Variants in POLA1 observed in about 807,000 individuals in gnomAD.
POLA1 encodes DNA polymerase alpha 1, catalytic subunit.
Under a neutral mutation model 124.0 loss-of-function variants are expected in POLA1, and 15 were observed. That is an observed-to-expected ratio of 0.12 (90% CI 0.08 to 0.19). POLA1 has a LOEUF of 0.19. Ranked by LOEUF, POLA1 falls within the 10% of genes least tolerant of loss-of-function variation. POLA1 has a pLI of 1.00. For synonymous variants in POLA1, 408 were observed against 389.4 expected, an observed-to-expected ratio of 1.05 and a Z score of -0.56; for missense variants, 886 against 1,103.4, an observed-to-expected ratio of 0.80 and a Z score of 2.79.
intron 19 of POLA1, among the ~76,000 whole-genome samples, chrX:24,738,852 G>C (rs1338354079): frequency 8.9e-6 from 1 of 111,891 alleles, no homozygotes. Flanking sequence ...ATGTTCTCTA[G>C]AGGATTCTGC....
chrX:24,954,392 GAAC>G (rs1291691355), intron 36 of POLA1, among the ~76,000 whole-genome samples: 1 of 112,244 alleles, frequency 8.9e-6, no homozygotes, highest in African/African-American at 3.2e-5. Context: ...GTGTTTTTGT[GAAC>G]AACTGATCAA....
intron 34 of POLA1, among the ~76,000 whole-genome samples, chrX:24,848,181 CTCTT>C (rs1261412374): frequency 1.8e-5 from 2 of 112,241 alleles, no homozygotes; most frequent in Admixed American, 1.9e-4. Flanking sequence ...CTTTGTTACT[CTCTT>C]TCTGTTCTCT....
At chrX:24,811,631 G>GAAATTCA (rs1381558183) in intron 28 of POLA1, among the ~76,000 whole-genome samples, 2 of 91,811 alleles carry the variant, frequency 2.2e-5, no homozygotes, top group South Asian at 1.1e-3. Flanking sequence ...TTTCGAGGGT[G>GAAATTCA]AAATTCAAAG....
At chrX:24,923,708 G>A (rs2047650854) in intron 35 of POLA1, among the ~76,000 whole-genome samples, 1 of 112,049 alleles carries the variant, frequency 8.9e-6, no homozygotes, top group Non-Finnish European at 1.9e-5. Flanking sequence ...TTTTGTATTA[G>A]AACTAATTGA....
chrX:24,974,650 T>G (rs2048344514), intron 36 of POLA1, among the ~76,000 whole-genome samples: 1 of 92,784 alleles, frequency 1.1e-5, no homozygotes, highest in Non-Finnish European at 2.1e-5. Flanking sequence ...CCGGGGCATG[T>G]TGGGGGGTGG....
At chrX:24,802,124 C>G (rs746645661) in intron 26 of POLA1, among the ~76,000 whole-genome samples, 2 of 110,660 alleles carry the variant, frequency 1.8e-5, no homozygotes, top group Non-Finnish European at 3.8e-5. Flanking sequence ...GGGCCATCAA[C>G]TGATTTGATG....
intron 1 of POLA1, among the ~76,000 whole-genome samples, chrX:24,696,059 G>C (rs1349790014): frequency 8.9e-6 from 1 of 112,743 alleles, no homozygotes; most frequent in African/African-American, 3.2e-5. Flanking sequence ...CTTCACACGC[G>C]GAAGCGTTAC....
chrX:24,984,912 G>A (rs1413950092), intron 36 of POLA1, among the ~76,000 whole-genome samples: 2 of 110,537 alleles, frequency 1.8e-5, no homozygotes, highest in Non-Finnish European at 3.8e-5. Context: ...CGCCCGCCTC[G>A]GCCTCCCAAA....
intron 36 of POLA1, among the ~76,000 whole-genome samples, chrX:24,962,065 TTATATA>T (rs1166621555): frequency 2.7e-5 from 3 of 111,591 alleles, no homozygotes; most frequent in South Asian, 3.7e-4. Flanking sequence ...TACTGCATCT[TTATATA>T]TATATTATAT....
chrX:24,761,936 A>C lies in POLA1; in HGVS notation c.2964+12944A>C, dbSNP rs1297745009. ...GCTAAACTTGTGATTACTTACTAGTAAACAAGAGAAAGGACCTGTTGTAGG... is the reference window on the plus strand; with the variant it reads ...GCTAAACTTGTGATTACTTACTAGTCAACAAGAGAAAGGACCTGTTGTAGG... On this transcript the variant is annotated intron_variant, in intron 26 of 36. Coordinates refer to ENST00000379068, the MANE Select transcript of POLA1 (RefSeq NM_001330360.2). 2.7e-5 allele frequency among the ~76,000 whole-genome samples: 3 copies of C among 112,188 alleles called. No homozygotes were observed. In the East Asian group the frequency reaches 8.3e-4, roughly 31 times the overall value.
At chrX:24,871,002 A>G (rs1303589753) in intron 34 of POLA1, among the ~76,000 whole-genome samples, 1 of 111,772 alleles carries the variant, frequency 8.9e-6, no homozygotes, top group African/African-American at 3.3e-5. Flanking sequence ...GTAGCAACCA[A>G]AGTATTCAGA....
At chrX:24,874,721 A>C (rs1391022252) in intron 34 of POLA1, among the ~76,000 whole-genome samples, 1 of 111,571 alleles carries the variant, frequency 9.0e-6, no homozygotes, top group Non-Finnish European at 1.9e-5. Flanking sequence ...CTGAGGTCCC[A>C]AACCAGCAGC....
At chrX:24,953,088 A>G (rs912429383) in intron 36 of POLA1, among the ~76,000 whole-genome samples, 1 of 112,341 alleles carries the variant, frequency 8.9e-6, no homozygotes, top group African/African-American at 3.2e-5. Flanking sequence ...TTTTACAGAT[A>G]TAAAACAGGT....
intron 26 of POLA1, among the ~76,000 whole-genome samples, chrX:24,755,028 C>T (rs777311429): frequency 8.9e-6 from 1 of 112,432 alleles, no homozygotes; most frequent in Non-Finnish European, 1.9e-5. Flanking sequence ...GACAATACCA[C>T]CTTTGTGAGA....
At chrX:24,722,629 G>A (rs1369469577) in intron 10 of POLA1, among the ~76,000 whole-genome samples, 7 of 112,583 alleles carry the variant, frequency 6.2e-5, no homozygotes, top group Non-Finnish European at 1.3e-4. Flanking sequence ...AAATACAAGC[G>A]CTAAAAAATT....
Position 24,841,700 on chromosome X carries a change from A to G in POLA1, c.3785A>G (p.Glu1262Gly). 8.4e-7 allele frequency: 1 copy of G among 1,188,713 alleles called. No homozygotes were observed. Residue 1262 changes from glutamate (E) to glycine (G), a missense_variant, in exon 33 of 37, where the codon GAG becomes GGG. Coordinates refer to ENST00000379068, the MANE Select transcript of POLA1 (RefSeq NM_001330360.2). ...GTTCATCATTATCATAAAGATGAAG[A>G]GAATGATGCTCTACTTGGTGGCCCA... ...FRVHHYHKDE[E>G]NDALLGGPAQ...
chrX:24,954,352 C>T (rs1426882150), intron 36 of POLA1, among the ~76,000 whole-genome samples: 1 of 112,152 alleles, frequency 8.9e-6, no homozygotes, highest in East Asian at 2.8e-4. Flanking sequence ...AAAAATCTGG[C>T]TGTGTTGCTA....
chrX:24,747,795 CGA>C (rs1932099675), intron 24 of POLA1, among the ~76,000 whole-genome samples: 1 of 100,214 alleles, frequency 1.0e-5, no homozygotes, highest in Non-Finnish European at 2.0e-5. Flanking sequence ...AGTGCAGTGG[CGA>C]GATCTCCGCT....
chrX:24,996,058 CTG>C lies in POLA1; in HGVS notation c.*112_*113del. ...TCCAGCATCTGTTTCTCCCTTGGGA[CTG>C]TGTCTCATGTTTGTGTGAATGTAGA... On this transcript the variant is annotated 3_prime_UTR_variant, in exon 37 of 37. Transcript: ENST00000379068. 1 of 698,393 alleles carries C rather than the reference CTG, an allele frequency of 1.4e-6. No individual in the cohort carries two copies. Among genetic ancestry groups the C allele is most frequent in the Non-Finnish European group, 2.1e-6 (1 of 465,147 alleles). The allele number at this position is 698,393 out of a possible 1,213,427, so 57.6% of individuals were successfully genotyped here.
Sources: gnomAD v4.1 joint callset for allele counts (sites outside exome capture counted in the v4.1 genomes callset) on GRCh38, gnomAD v4.1.1 for gene constraint, MANE v1.5 for transcripts, NCBI Gene and HGNC (gene_info 2026-07-23, HGNC 2026-07-21) for gene names.